GPHN: variants seen among roughly 807,000 people sequenced by gnomAD.
The protein encoded by GPHN is gephyrin.
GPHN carries 17 observed loss-of-function variants against 95.5 expected under a neutral mutation model. The ratio of observed to expected loss-of-function variants is 0.18; its 90% confidence interval spans 0.12 to 0.27. The LOEUF (loss-of-function observed/expected upper bound fraction) is 0.27, where lower values mean the gene tolerates loss of function less well. Ranked by LOEUF, GPHN falls within the 10% of genes least tolerant of loss-of-function variation. The pLI, the probability that GPHN is intolerant of heterozygous loss-of-function variation, is 1.00. For synonymous variants in GPHN, 320 were observed against 322.5 expected, an observed-to-expected ratio of 0.99 and a Z score of 0.08; for missense variants, 660 against 978.1, an observed-to-expected ratio of 0.67 and a Z score of 4.34.
the GPHN span, among the ~76,000 whole-genome samples, chr14:67,687,041 G>A: frequency 2.6e-5 from 4 of 152,076 alleles, no homozygotes; most frequent in African/African-American, 4.8e-5. Context: ...CAGTGTTCCC[G>A]ACATGCCCAA....
At chr14:66,691,704 A>G (rs2067794119) in intron 2 of GPHN, among the ~76,000 whole-genome samples, 1 of 152,106 alleles carries the variant, frequency 6.6e-6, no homozygotes, top group Admixed American at 6.5e-5. Flanking sequence ...CCAGTCGTTT[A>G]CAGAAAACGT....
chr14:66,650,837 A>G (rs2065006769), intron 1 of GPHN, among the ~76,000 whole-genome samples: 1 of 152,160 alleles, frequency 6.6e-6, no homozygotes, highest in Admixed American at 6.5e-5. Context: ...CCATTACTTG[A>G]CAGCTTTTTG....
intron 1 of GPHN, among the ~76,000 whole-genome samples, chr14:66,595,710 C>T (rs1442605659): frequency 6.6e-6 from 1 of 152,160 alleles, no homozygotes; most frequent in Non-Finnish European, 1.5e-5. Context: ...TCAGGAACTG[C>T]AGAGCCCCAT....
chr14:67,123,025 G>T (rs1369308704), intron 17 of GPHN, among the ~76,000 whole-genome samples: 1 of 152,146 alleles, frequency 6.6e-6, no homozygotes. Flanking sequence ...AAACATCCTA[G>T]TATCATGCAA....
chr14:67,068,549 C>T (rs2076158835), intron 11 of GPHN, among the ~76,000 whole-genome samples: 1 of 152,170 alleles, frequency 6.6e-6, no homozygotes, highest in East Asian at 1.9e-4. Flanking sequence ...GCACCATTCC[C>T]TGAAATTCCC....
At chr14:66,678,723 T>C (rs1048140255) in intron 1 of GPHN, among the ~76,000 whole-genome samples, 1 of 152,202 alleles carries the variant, frequency 6.6e-6, no homozygotes, top group African/African-American at 2.4e-5. Flanking sequence ...GGATTAGCTT[T>C]TTTAGGTAAA....
chr14:67,687,928 C>G, the GPHN span, among the ~76,000 whole-genome samples: 276 of 152,132 alleles, frequency 1.8e-3, no homozygotes, highest in African/African-American at 6.5e-3. Context: ...CCCGCCACCA[C>G]ACCTGGCTAA....
the GPHN span, among the ~76,000 whole-genome samples, chr14:67,324,906 T>C: frequency 7.2e-6 from 1 of 138,888 alleles, no homozygotes; most frequent in Non-Finnish European, 1.5e-5. Flanking sequence ...CATTTTTTTT[T>C]TTTTTTTTTT....
intron 17 of GPHN, among the ~76,000 whole-genome samples, chr14:67,123,870 T>G (rs1332055760): frequency 6.6e-6 from 1 of 152,078 alleles, no homozygotes; most frequent in Non-Finnish European, 1.5e-5. Flanking sequence ...AAGACAATTC[T>G]TCTTCTGATG....
chr14:67,417,607 A>AT, the GPHN span, among the ~76,000 whole-genome samples: 31 of 148,130 alleles, frequency 2.1e-4, no homozygotes, highest in African/African-American at 7.6e-4. Context: ...AATTAAAAAA[A>AT]ATTTTTTTTT....
chr14:67,571,790 G>A, the GPHN span: 4 of 1,613,944 alleles, frequency 2.5e-6, no homozygotes, highest in South Asian at 4.4e-5. Context: ...TTATGGACGA[G>A]TCCTCTGGGT....
the GPHN span, among the ~76,000 whole-genome samples, chr14:67,401,250 G>C: frequency 2.0e-5 from 3 of 152,148 alleles, no homozygotes; most frequent in Non-Finnish European, 4.4e-5. Flanking sequence ...AATTTGGGAG[G>C]CTGAGGCAGA....
the GPHN span, among the ~76,000 whole-genome samples, chr14:67,427,085 G>A: frequency 6.6e-6 from 1 of 151,750 alleles, no homozygotes; most frequent in Non-Finnish European, 1.5e-5. Flanking sequence ...GGGGGAGGGA[G>A]GGATTGGAGG....
At chr14:67,724,457 T>G in the GPHN span, 56 of 1,578,358 alleles carry the variant, frequency 3.5e-5, no homozygotes, top group African/African-American at 6.2e-4. Flanking sequence ...GATGCTCTTG[T>G]TTCCCTTGCC....
At chr14:67,378,872 G>T in the GPHN span, among the ~76,000 whole-genome samples, 2 of 152,138 alleles carry the variant, frequency 1.3e-5, no homozygotes, top group Non-Finnish European at 2.9e-5. Context: ...TCACTTATCA[G>T]TGATAACCAC....
chr14:66,703,274 T>A (rs1032723646), intron 2 of GPHN, among the ~76,000 whole-genome samples: 21 of 151,696 alleles, frequency 1.4e-4, no homozygotes, highest in Non-Finnish European at 2.9e-4. Context: ...CAGGCCAACA[T>A]GCAAATTCAG....
chr14:67,579,251 C>G, the GPHN span: 1 of 1,602,260 alleles, frequency 6.2e-7, no homozygotes, highest in African/African-American at 1.3e-5. Flanking sequence ...TGCTGCGTAA[C>G]CCCTTCCACC....
chr14:67,223,957 AT>A, the GPHN span: 3 of 985,266 alleles, frequency 3.0e-6, no homozygotes, highest in Non-Finnish European at 3.6e-6. Flanking sequence ...CGTAATTCTA[AT>A]TTATATTATA....
At chr14:67,084,986 T>C (rs1285383416) in intron 11 of GPHN, among the ~76,000 whole-genome samples, 3 of 152,236 alleles carry the variant, frequency 2.0e-5, no homozygotes, top group African/African-American at 7.2e-5. Flanking sequence ...ATTCTTAAAC[T>C]AGCACTGCAG....
Sources: allele counts gnomAD v4.1 joint callset (sites outside exome capture counted in the v4.1 genomes callset), GRCh38; gene constraint gnomAD v4.1.1; transcripts MANE v1.5; gene names NCBI Gene and HGNC (gene_info 2026-07-23, HGNC 2026-07-21).